Variants in CACNA1C observed in about 807,000 individuals in gnomAD.
The protein encoded by CACNA1C is voltage-dependent L-type calcium channel subunit alpha-1C.
In CACNA1C, 30 loss-of-function variants were observed where a neutral mutation model predicts 229.0. The ratio of observed to expected loss-of-function variants is 0.13; its 90% confidence interval spans 0.10 to 0.18. CACNA1C has a LOEUF of 0.18. CACNA1C is among the 10% of genes least tolerant of loss of function. CACNA1C has a pLI of 1.00. For synonymous variants in CACNA1C, 1,114 were observed against 1,132.5 expected (o/e 0.98, Z 0.33); for missense variants, 1,658 against 2,845.0 (o/e 0.58, Z 9.49).
chr12:2,331,475 C>T (rs922085969), intron 3 of CACNA1C, among the ~76,000 whole-genome samples: 11 of 152,186 alleles, frequency 7.2e-5, no homozygotes, highest in Admixed American at 1.3e-4. Flanking sequence ...CTCAGAAGGA[C>T]GAGGTCGTGT....
chr12:2,687,238 G>A (rs1049355212), intron 45 of CACNA1C, among the ~76,000 whole-genome samples: 1 of 152,230 alleles, frequency 6.6e-6, no homozygotes, highest in Admixed American at 6.5e-5. Flanking sequence ...GTGGAAGGAT[G>A]TGGGGACACT....
At chr12:2,641,517 T>G in intron 30 of CACNA1C, 1 of 582,116 alleles carries the variant, frequency 1.7e-6, no homozygotes, top group Middle Eastern at 4.5e-4. Context: ...CAGCCCCCCT[T>G]CTCATTGCTG....
intron 3 of CACNA1C, among the ~76,000 whole-genome samples, chr12:2,369,686 G>T (rs1281719901): frequency 1.3e-5 from 2 of 152,138 alleles, no homozygotes; most frequent in Non-Finnish European, 2.9e-5. Flanking sequence ...TTACAGGTGT[G>T]AGCCACCACG....
intron 3 of CACNA1C, among the ~76,000 whole-genome samples, chr12:2,195,174 T>C (rs1421476113): frequency 6.6e-6 from 1 of 152,188 alleles, no homozygotes; most frequent in African/African-American, 2.4e-5. Context: ...CCTGCACACA[T>C]TGTCAGTTGG....
intron 9 of CACNA1C, among the ~76,000 whole-genome samples, chr12:2,522,212 C>T (rs531545633): frequency 6.6e-6 from 1 of 152,312 alleles, no homozygotes; most frequent in South Asian, 2.1e-4. Context: ...ACCCACCAGT[C>T]GGTGGGGGTG....
At chr12:2,626,339 G>A (rs2086523012) in intron 29 of CACNA1C, among the ~76,000 whole-genome samples, 1 of 152,210 alleles carries the variant, frequency 6.6e-6, no homozygotes, top group African/African-American at 2.4e-5. Flanking sequence ...GGACCTCTCT[G>A]TTTGGGGTTT....
At chr12:2,579,113 TCTCC>T (rs1348009021) in intron 13 of CACNA1C, among the ~76,000 whole-genome samples, 1 of 152,030 alleles carries the variant, frequency 6.6e-6, no homozygotes, top group African/African-American at 2.4e-5. Flanking sequence ...CACCTGGCCC[TCTCC>T]CTCTGCAGCC....
chr12:2,420,318 A>G (rs1567582290), intron 3 of CACNA1C, among the ~76,000 whole-genome samples: 1 of 152,134 alleles, frequency 6.6e-6, no homozygotes, highest in Non-Finnish European at 1.5e-5. Context: ...AGATTGGACC[A>G]GGGAGATGCC....
At chr12:2,477,975 ATAAATG>A (rs1410909899) in intron 5 of CACNA1C, among the ~76,000 whole-genome samples, 1 of 152,052 alleles carries the variant, frequency 6.6e-6, no homozygotes, top group Non-Finnish European at 1.5e-5. Flanking sequence ...GACAAAGAAA[ATAAATG>A]TAAGTACAGG....
chr12:2,539,231 C>T (rs954210441), intron 9 of CACNA1C, among the ~76,000 whole-genome samples: 82 of 128,782 alleles, frequency 6.4e-4, no homozygotes, highest in Non-Finnish European at 1.2e-3. Flanking sequence ...AAGATGCAGG[C>T]AGGGTTTAAG....
intron 28 of CACNA1C, among the ~76,000 whole-genome samples, chr12:2,611,524 G>A (rs556363925): frequency 1.3e-5 from 2 of 152,100 alleles, no homozygotes; most frequent in East Asian, 3.9e-4. Context: ...GAGGGGAGGA[G>A]ATGGAGAAGG....
At chr12:2,162,687 C>A (rs2095950121) in intron 3 of CACNA1C, among the ~76,000 whole-genome samples, 1 of 151,962 alleles carries the variant, frequency 6.6e-6, no homozygotes, top group Non-Finnish European at 1.5e-5. Flanking sequence ...GCCTTCCTGA[C>A]AAGAAGAGTT....
At chr12:2,231,000 G>A (rs754830053) in intron 3 of CACNA1C, among the ~76,000 whole-genome samples, 4 of 152,132 alleles carry the variant, frequency 2.6e-5, no homozygotes, top group Admixed American at 6.5e-5. Context: ...TTTGCCACGC[G>A]GACTATTGGG....
At chr12:2,060,169 T>C (rs889110222) in intron 1 of CACNA1C, among the ~76,000 whole-genome samples, 2 of 152,162 alleles carry the variant, frequency 1.3e-5, no homozygotes, top group Non-Finnish European at 2.9e-5. Context: ...TCGGCCCCAA[T>C]CTAGGCTTGT....
chr12:2,382,543 C>T lies in CACNA1C; in HGVS notation c.478-66433C>T, dbSNP rs116834100. ...TACAGACTTCTCTAAATTGGCAATT[C>T]ACATTTCAATCCTGTGCTGCTTGTG... On this transcript the variant is annotated intron_variant, in intron 3 of 46. Transcript: ENST00000399655. Among the ~76,000 whole-genome samples the T allele has an allele frequency of 5.6e-3, 854 of 152,274 alleles. 7 individuals carry two copies. Among genetic ancestry groups the T allele is most frequent in the African/African-American group, 0.019 (802 of 41,546 alleles).
intron 3 of CACNA1C, among the ~76,000 whole-genome samples, chr12:2,273,798 T>C (rs4488257): frequency 0.046 from 6,942 of 152,296 alleles, 192 homozygotes; most frequent in Middle Eastern, 0.068. Context: ...CCCCTCTCCC[T>C]GACCCCGGGC....
At chr12:2,202,502 T>G (rs1228663417) in intron 3 of CACNA1C, among the ~76,000 whole-genome samples, 1 of 152,240 alleles carries the variant, frequency 6.6e-6, no homozygotes, top group Non-Finnish European at 1.5e-5. Flanking sequence ...AAGTCTTCTC[T>G]TGAATCATTT....
chr12:2,100,924 C>T (rs2076154775), intron 1 of CACNA1C, among the ~76,000 whole-genome samples: 1 of 149,174 alleles, frequency 6.7e-6, no homozygotes, highest in African/African-American at 2.5e-5. Flanking sequence ...TCACCTGAGT[C>T]TGGGGGAGTC....
intron 3 of CACNA1C, among the ~76,000 whole-genome samples, chr12:2,402,201 A>G (rs2098688311): frequency 6.6e-6 from 1 of 152,228 alleles, no homozygotes; most frequent in South Asian, 2.1e-4. Context: ...GCAGCACCTG[A>G]CCTTTTTGAC....
Sources: gnomAD v4.1 joint callset for allele counts (sites outside exome capture counted in the v4.1 genomes callset) on GRCh38, gnomAD v4.1.1 for gene constraint, MANE v1.5 for transcripts, NCBI Gene and HGNC (gene_info 2026-07-23, HGNC 2026-07-21) for gene names.